The following NCAM1 variants were observed in gnomAD, a reference collection of about 807,000 sequenced individuals.
The protein encoded by NCAM1 is antigen recognized by monoclonal antibody 5.1H11.
In NCAM1, 14 loss-of-function variants were observed where a neutral mutation model predicts 109.8. The observed-to-expected ratio is 0.13, with a 90% CI of 0.08 to 0.20. The LOEUF (loss-of-function observed/expected upper bound fraction) is 0.20. Among genes scored for constraint, NCAM1 ranks in the 10% least tolerant of loss-of-function variants. The pLI is 1.00. For synonymous variants in NCAM1, 418 were observed against 442.9 expected, an observed-to-expected ratio of 0.94 and a Z score of 0.70; for missense variants, 774 against 1,109.9, an observed-to-expected ratio of 0.70 and a Z score of 4.30.
chr11:113,167,794 C>T (rs1301388887), intron 1 of NCAM1, among the ~76,000 whole-genome samples: 1 of 152,182 alleles, frequency 6.6e-6, no homozygotes, highest in African/African-American at 2.4e-5. Context: ...GCCAGGTTGG[C>T]AGGCGGACTT....
rs61902500 is a variant in NCAM1, at chr11:113,185,868, G to A, written c.53-16511G>A. Among the ~76,000 whole-genome samples the A allele has an allele frequency of 7.0e-3, 1,058 of 152,228 alleles. 5 individuals carry two copies. The highest frequency in any genetic ancestry group is 0.012 in the Non-Finnish European group (786 of 68,022). On this transcript the variant is annotated intron_variant, in intron 1 of 19. Coordinates refer to ENST00000316851, the MANE Select transcript of NCAM1 (RefSeq NM_181351.5). ...ACTAGAACCACAGTGGCCCTACCCC[G>A]GAGGTACTGATTCAAGATTTTCAGG... is the stretch of plus-strand genomic sequence containing the variant.
intron 1 of NCAM1, among the ~76,000 whole-genome samples, chr11:112,965,833 T>C (rs1950716446): frequency 6.6e-6 from 1 of 152,162 alleles, no homozygotes; most frequent in African/African-American, 2.4e-5. Context: ...AAATAAGTGA[T>C]TGAGTACCTG....
chr11:113,243,050 G>C (rs782804528), intron 14 of NCAM1: 18 of 910,056 alleles, frequency 2.0e-5, no homozygotes, highest in Non-Finnish European at 2.2e-5. Flanking sequence ...AAAAGAACGG[G>C]GTTGATTATT....
intron 1 of NCAM1, among the ~76,000 whole-genome samples, chr11:113,163,271 C>T (rs1262876344): frequency 6.6e-6 from 1 of 152,172 alleles, no homozygotes; most frequent in Non-Finnish European, 1.5e-5. Flanking sequence ...AAAATAAATA[C>T]CGCAAAAGTG....
At chr11:113,260,356 C>T (rs1555123090) in intron 17 of NCAM1, 33 bp downstream of exon 17, 1 of 1,600,476 alleles carries the variant, frequency 6.2e-7, no homozygotes, top group South Asian at 1.1e-5. Context: ...TTTGTTTCCG[C>T]TTTGAATTAA....
rs1555122238 is a variant in NCAM1, at chr11:113,255,984, C to A, written c.1936C>A (p.Leu646Met). The change falls in exon 16 of 20, where the codon CTG becomes ATG. Residue 646 changes from leucine to methionine, a missense_variant. Around this residue, in one of 4 missense-constraint regions of NCAM1, gnomAD observed 523 missense variants for 784.2 expected, o/e 0.67. Transcript: ENST00000316851. ...DDGGSPIRHY[L>M]VRYRALSSEW... ...CGGCGGCTCCCCCATCAGACACTAT[C>A]TGGTCAGGTACCGAGCGGTGAGTGG... The A allele has an allele frequency of 1.2e-6, 2 of 1,603,242 alleles. No homozygotes were observed. Among genetic ancestry groups the A allele is most frequent in the Non-Finnish European group, 1.7e-6 (2 of 1,174,978 alleles).
intron 15 of NCAM1, among the ~76,000 whole-genome samples, chr11:113,246,950 G>A (rs1945517478): frequency 6.6e-6 from 1 of 152,236 alleles, no homozygotes; most frequent in Non-Finnish European, 1.5e-5. Flanking sequence ...TGTGATTACT[G>A]AGGTGTCACT....
intron 1 of NCAM1, among the ~76,000 whole-genome samples, chr11:112,985,697 T>G (rs1951281659): frequency 6.6e-6 from 1 of 151,982 alleles, no homozygotes; most frequent in African/African-American, 2.4e-5. Flanking sequence ...TTTAGATTTC[T>G]TTTTCAGGTA....
intron 1 of NCAM1, among the ~76,000 whole-genome samples, chr11:113,022,625 C>T (rs1952424112): frequency 6.6e-6 from 1 of 152,112 alleles, no homozygotes; most frequent in African/African-American, 2.4e-5. Context: ...TGGGTTTGGC[C>T]ACATGTAAGC....
chr11:113,127,947 C>T (rs572259445), intron 1 of NCAM1, among the ~76,000 whole-genome samples: 6 of 152,238 alleles, frequency 3.9e-5, no homozygotes, highest in East Asian at 3.9e-4. Context: ...TTTGGGAGGG[C>T]GGCTGCTTAT....
chr11:113,092,455 T>A (rs185339269), intron 1 of NCAM1, among the ~76,000 whole-genome samples: 4 of 152,282 alleles, frequency 2.6e-5, no homozygotes, highest in Admixed American at 2.6e-4. Context: ...TTTATTATGA[T>A]GATTTTATTT....
intron 1 of NCAM1, among the ~76,000 whole-genome samples, chr11:112,973,349 A>G (rs1950931015): frequency 6.6e-6 from 1 of 152,162 alleles, no homozygotes; most frequent in African/African-American, 2.4e-5. Flanking sequence ...GTACTCCATA[A>G]AGGTGTACTT....
chr11:113,055,992 T>A (rs1345118857), intron 1 of NCAM1, among the ~76,000 whole-genome samples: 1 of 70,448 alleles, frequency 1.4e-5, no homozygotes, highest in Admixed American at 1.7e-4. Context: ...TATATATATA[T>A]ATATATATAT....
chr11:112,980,850 A>G (rs782463058), intron 1 of NCAM1, among the ~76,000 whole-genome samples: 21 of 152,010 alleles, frequency 1.4e-4, no homozygotes, highest in Non-Finnish European at 2.4e-4. Context: ...GAGAATAGCT[A>G]AAATAATTTT....
intron 14 of NCAM1, among the ~76,000 whole-genome samples, chr11:113,236,942 T>C (rs1400482584): frequency 6.6e-6 from 1 of 152,214 alleles, no homozygotes. Context: ...CACAGGTAGC[T>C]GTTGCAGAGT....
intron 1 of NCAM1, among the ~76,000 whole-genome samples, chr11:112,982,231 T>G (rs1951172561): frequency 6.6e-6 from 1 of 151,978 alleles, no homozygotes; most frequent in African/African-American, 2.4e-5. Flanking sequence ...TAGATAGCCT[T>G]TATTCATTCC....
At chr11:113,087,899 G>T (rs1028639018) in intron 1 of NCAM1, among the ~76,000 whole-genome samples, 2 of 152,174 alleles carry the variant, frequency 1.3e-5, no homozygotes, top group African/African-American at 4.8e-5. Flanking sequence ...GGCTAAGATC[G>T]CAAGGCATTC....
At chr11:113,228,746 T>C (rs1260474993) in intron 9 of NCAM1, among the ~76,000 whole-genome samples, 2 of 152,034 alleles carry the variant, frequency 1.3e-5, no homozygotes, top group African/African-American at 2.4e-5. Flanking sequence ...TACAGACCAA[T>C]GGAACAGAAC....
In NCAM1 at chr11:112,996,463, A is replaced by G. The variant is rs572342598; in HGVS notation, c.52+34799A>G. Reference sequence around the variant, plus strand: ...GGCATTCACTGATATGACATAACGTACTTAACCTTTCACTGTTATAAATTG... The same window carrying G: ...GGCATTCACTGATATGACATAACGTGCTTAACCTTTCACTGTTATAAATTG... On this transcript the variant is annotated intron_variant, in intron 1 of 19. Coordinates refer to ENST00000316851, the MANE Select transcript of NCAM1 (RefSeq NM_181351.5). Among the ~76,000 whole-genome samples the G allele has an allele frequency of 1.3e-4, 20 of 152,328 alleles. No individual in the cohort carries two copies. In the East Asian group the frequency reaches 3.7e-3, roughly 28 times the overall value.
Sources: allele counts gnomAD v4.1 joint callset (sites outside exome capture counted in the v4.1 genomes callset), GRCh38; gene constraint gnomAD v4.1.1; regional missense constraint gnomAD v4.1.1; transcripts MANE v1.5; gene names NCBI Gene and HGNC (gene_info 2026-07-23, HGNC 2026-07-21).